DMD: variants seen among roughly 807,000 people sequenced by gnomAD.
The protein encoded by DMD is mutant dystrophin.
DMD carries 63 observed loss-of-function variants against 330.1 expected under a neutral mutation model. The observed-to-expected ratio is 0.19, with a 90% confidence interval of 0.16 to 0.24. The LOEUF (loss-of-function observed/expected upper bound fraction) is 0.24, where lower values mean the gene tolerates loss of function less well. Among genes scored for constraint, DMD ranks in the 10% least tolerant of loss-of-function variants. The probability of loss-of-function intolerance (pLI) is 1.00; values close to 1 mark genes in which losing one functional copy is unlikely to be tolerated. For missense variants in DMD, 3,344 were observed against 2,684.1 expected (o/e 1.25, Z -5.43); for synonymous variants, 1,223 against 959.8 (o/e 1.27, Z -5.07).
chrX:32,861,641 G>C (rs951555686), intron 2 of DMD, among the ~76,000 whole-genome samples: 1 of 111,620 alleles, frequency 9.0e-6, no homozygotes, highest in African/African-American at 3.3e-5. Context: ...CATAGAGAGA[G>C]AACTGAGAAG....
chrX:32,396,951 T>C (rs1025230638), intron 30 of DMD, among the ~76,000 whole-genome samples: 1 of 111,592 alleles, frequency 9.0e-6, no homozygotes, highest in Non-Finnish European at 1.9e-5. Flanking sequence ...CGCAGGCTTA[T>C]TGTGAAATAG....
intron 55 of DMD, among the ~76,000 whole-genome samples, chrX:31,622,983 C>T (rs1332031203): frequency 9.4e-6 from 1 of 106,882 alleles, no homozygotes; most frequent in Non-Finnish European, 1.9e-5. Flanking sequence ...TCAAAATTCA[C>T]TTTCACACTC....
intron 55 of DMD, among the ~76,000 whole-genome samples, chrX:31,547,074 C>A (rs1278790697): frequency 1.8e-5 from 2 of 112,171 alleles, no homozygotes; most frequent in South Asian, 3.7e-4. Context: ...CTAAAATTTT[C>A]CATCACGTAA....
chrX:32,863,429 G>C (rs960905535), intron 2 of DMD, among the ~76,000 whole-genome samples: 13 of 104,463 alleles, frequency 1.2e-4, no homozygotes, highest in Admixed American at 8.3e-4. Flanking sequence ...AGGTGGGAGA[G>C]AATCTGGGAG....
intron 44 of DMD, among the ~76,000 whole-genome samples, chrX:32,142,643 G>A (rs182504055): frequency 8.9e-6 from 1 of 112,269 alleles, no homozygotes; most frequent in African/African-American, 3.2e-5. Flanking sequence ...TTTGAACTTA[G>A]TTAGATATGG....
At chrX:31,715,219 G>GT (rs2084934705) in intron 52 of DMD, among the ~76,000 whole-genome samples, 2 of 99,642 alleles carry the variant, frequency 2.0e-5, no homozygotes, top group Non-Finnish European at 4.0e-5. Flanking sequence ...TTGGGGGTTG[G>GT]TGGGGGGGGA....
At chrX:31,522,452 T>C (rs1367188852) in intron 55 of DMD, among the ~76,000 whole-genome samples, 3 of 101,580 alleles carry the variant, frequency 3.0e-5, no homozygotes, top group Non-Finnish European at 5.9e-5. Context: ...GTTTGGACTT[T>C]ATCCTGTGAA....
intron 42 of DMD, among the ~76,000 whole-genome samples, chrX:32,300,668 T>C (rs2097519542): frequency 9.0e-6 from 1 of 111,445 alleles, no homozygotes; most frequent in Non-Finnish European, 1.9e-5. Flanking sequence ...CTCACATGCA[T>C]GGCAAAGGGG....
chrX:33,214,860 G>A (rs766511322), upstream of DMD, among the ~76,000 whole-genome samples: 10 of 111,521 alleles, frequency 9.0e-5, no homozygotes, highest in South Asian at 3.8e-4. Flanking sequence ...GTTATGTTGC[G>A]CAGGCTGGTC....
At chrX:32,807,853 A>C (rs887461577) in intron 7 of DMD, among the ~76,000 whole-genome samples, 21 of 111,896 alleles carry the variant, frequency 1.9e-4, no homozygotes, top group Non-Finnish European at 3.2e-4. Flanking sequence ...CTATTTTTAA[A>C]TCTTCTCTTA....
chrX:32,800,298 A>G (rs751637333), intron 7 of DMD, among the ~76,000 whole-genome samples: 21 of 111,928 alleles, frequency 1.9e-4, no homozygotes, highest in Non-Finnish European at 3.2e-4. Flanking sequence ...AAATCTATCG[A>G]AGAGAGTGTT....
At chrX:32,807,251 A>C (rs1458283990) in intron 7 of DMD, among the ~76,000 whole-genome samples, 2 of 110,134 alleles carry the variant, frequency 1.8e-5, no homozygotes, top group Non-Finnish European at 3.8e-5. Flanking sequence ...TAGACACAAT[A>C]AAAAATGATA....
intron 29 of DMD, among the ~76,000 whole-genome samples, chrX:32,431,683 ATTTC>A (rs1285946102): frequency 9.0e-6 from 1 of 110,750 alleles, no homozygotes; most frequent in Non-Finnish European, 1.9e-5. Context: ...TTTAATTTTG[ATTTC>A]TTTATTCCAT....
intron 5 of DMD, among the ~76,000 whole-genome samples, chrX:32,820,182 G>A (rs756230292): frequency 1.4e-4 from 16 of 112,618 alleles, no homozygotes; most frequent in Non-Finnish European, 2.8e-4. Flanking sequence ...GCTCACGCCT[G>A]TAATCCAAAC....
At position 33,069,263 on chromosome X, in the gene DMD, C is replaced by T. The variant is rs746292285; in HGVS notation, c.32-49063G>A. Among the ~76,000 whole-genome samples the T allele has an allele frequency of 7.2e-5, 8 of 110,475 alleles. No individual in the cohort carries two copies. The South Asian group carries it at 2.3e-3, about 32-fold the overall frequency. On this transcript the variant is annotated intron_variant, in intron 1 of 78. Coordinates refer to ENST00000357033, the MANE Select transcript of DMD (RefSeq NM_004006.3). ...GTTCATCTGCCAATATTTTGCTCCC[C>T]GTGTTGCTCTAATCTCAATTTCTAT...
At chrX:32,245,127 T>C (rs1169441842) in intron 43 of DMD, among the ~76,000 whole-genome samples, 3 of 91,999 alleles carry the variant, frequency 3.3e-5, no homozygotes, top group Non-Finnish European at 6.2e-5. Flanking sequence ...CCATCTTGAA[T>C]TGATTTTTGT....
intron 44 of DMD, among the ~76,000 whole-genome samples, chrX:32,038,026 T>G (rs1323302883): frequency 8.9e-6 from 1 of 111,840 alleles, no homozygotes; most frequent in African/African-American, 3.3e-5. Context: ...ACATGGTCAT[T>G]TGTTCAATCA....
At chrX:32,806,650 A>T (rs941730181) in intron 7 of DMD, among the ~76,000 whole-genome samples, 1 of 111,913 alleles carries the variant, frequency 8.9e-6, no homozygotes, top group African/African-American at 3.3e-5. Flanking sequence ...CATTCTTCTC[A>T]GCACCACATC....
chrX:32,609,098 T>C (rs946511192), intron 12 of DMD, among the ~76,000 whole-genome samples: 1 of 110,332 alleles, frequency 9.1e-6, no homozygotes, highest in Non-Finnish European at 1.9e-5. Context: ...TCTATTACTT[T>C]GAGCTTTTTG....
Sources: allele counts gnomAD v4.1 joint callset (sites outside exome capture counted in the v4.1 genomes callset), GRCh38; gene constraint gnomAD v4.1.1; transcripts MANE v1.5; gene names NCBI Gene and HGNC (gene_info 2026-07-23, HGNC 2026-07-21).